Variants in ADAMTS16 observed in about 807,000 individuals in gnomAD.
The protein encoded by ADAMTS16 is A disintegrin and metalloproteinase with thrombospondin motifs 16.
ADAMTS16 carries 94 observed loss-of-function variants against 145.8 expected under a neutral mutation model. The ratio of observed to expected loss-of-function variants is 0.64; its 90% CI spans 0.55 to 0.77. The LOEUF (loss-of-function observed/expected upper bound fraction) is 0.77. ADAMTS16 is among the 30% of genes least tolerant of loss of function. The probability of loss-of-function intolerance (pLI) is 0.00; values close to 1 mark genes in which losing one functional copy is unlikely to be tolerated. For missense variants in ADAMTS16, 1,585 were observed against 1,591.5 expected, an observed-to-expected ratio of 1.00 and a Z score of 0.07; for synonymous variants, 659 against 604.3, an observed-to-expected ratio of 1.09 and a Z score of -1.33.
chr5:5,205,356 G>A (rs1406877987), intron 9 of ADAMTS16, among the ~76,000 whole-genome samples: 1 of 151,472 alleles, frequency 6.6e-6, no homozygotes, highest in African/African-American at 2.4e-5. Context: ...AGTTGCAAAG[G>A]TGTTCTTCCA....
chr5:5,309,602 G>A (rs1740334218), intron 21 of ADAMTS16, among the ~76,000 whole-genome samples: 1 of 152,138 alleles, frequency 6.6e-6, no homozygotes, highest in African/African-American at 2.4e-5. Context: ...GCACACACTG[G>A]TCTGGGGTTT....
chr5:5,174,028 C>A (rs2126546978), intron 3 of ADAMTS16, among the ~76,000 whole-genome samples: 1 of 152,182 alleles, frequency 6.6e-6, no homozygotes, highest in South Asian at 2.1e-4. Context: ...TTTGTATTTA[C>A]TATTTCTAGT....
At chr5:5,231,059 C>G (rs1736905865) in intron 11 of ADAMTS16, among the ~76,000 whole-genome samples, 1 of 152,202 alleles carries the variant, frequency 6.6e-6, no homozygotes, top group Non-Finnish European at 1.5e-5. Flanking sequence ...TCTCCTTCCT[C>G]TCTGACAACC....
chr5:5,210,910 C>T (rs35700190), intron 10 of ADAMTS16, among the ~76,000 whole-genome samples: 36,748 of 152,132 alleles, frequency 0.24, 5,729 homozygotes, highest in East Asian at 0.65. Flanking sequence ...CTTTGAATGT[C>T]AAGTCAATCT....
chr5:5,181,541 A>C (rs1294137659), intron 3 of ADAMTS16, among the ~76,000 whole-genome samples: 1 of 152,122 alleles, frequency 6.6e-6, no homozygotes, highest in African/African-American at 2.4e-5. Flanking sequence ...GCTTTCCTCT[A>C]GATTAATTTT....
chr5:5,286,883 A>T (rs866762166), intron 18 of ADAMTS16, among the ~76,000 whole-genome samples: 61,481 of 122,332 alleles, frequency 0.5, 24,855 homozygotes, highest in Non-Finnish European at 0.63. Context: ...AAAAAAAAAA[A>T]GAGTTTTTAT....
chr5:5,230,686 T>C (rs1286117894), intron 11 of ADAMTS16, among the ~76,000 whole-genome samples: 1 of 152,240 alleles, frequency 6.6e-6, no homozygotes, highest in Non-Finnish European at 1.5e-5. Flanking sequence ...TGAAAGCTAT[T>C]ACCATGTCAA....
chr5:5,201,271 C>T (rs1735946643), intron 9 of ADAMTS16, among the ~76,000 whole-genome samples: 1 of 152,110 alleles, frequency 6.6e-6, no homozygotes. Flanking sequence ...GAGAAATGTC[C>T]TCTACCCATG....
chr5:5,155,464 C>T (rs1015087004), intron 3 of ADAMTS16, among the ~76,000 whole-genome samples: 2 of 152,124 alleles, frequency 1.3e-5, no homozygotes, highest in African/African-American at 4.8e-5. Flanking sequence ...CATTTGAGTA[C>T]TGAAAAATTA....
At chr5:5,255,080 A>T (rs1464026139) in intron 17 of ADAMTS16, among the ~76,000 whole-genome samples, 2 of 152,134 alleles carry the variant, frequency 1.3e-5, no homozygotes, top group Non-Finnish European at 2.9e-5. Context: ...TAGTTTTTCT[A>T]ATTAAGAAAA....
chr5:5,278,601 T>A (rs892937286), intron 18 of ADAMTS16, among the ~76,000 whole-genome samples: 3 of 152,222 alleles, frequency 2.0e-5, no homozygotes, highest in Non-Finnish European at 4.4e-5. Context: ...CCAAAAGATA[T>A]ATCAACTTCA....
At chr5:5,237,744 A>G (rs768166994) in intron 14 of ADAMTS16, among the ~76,000 whole-genome samples, 1 of 152,168 alleles carries the variant, frequency 6.6e-6, no homozygotes, top group Admixed American at 6.5e-5. Flanking sequence ...CCTCAGCAAC[A>G]TAGAGCAGCT....
At chr5:5,186,324 G>GTA in intron 5 of ADAMTS16, 73 bp downstream of exon 5, 1 of 1,350,508 alleles carries the variant, frequency 7.4e-7, no homozygotes, top group Non-Finnish European at 1.0e-6. Context: ...GTGTGTGTGT[G>GTA]TGTGTGTGTG....
rs1379049391 is a variant in ADAMTS16 at position 5,236,273 on chromosome 5, G to A, written c.2024-696G>A. Among the ~76,000 whole-genome samples, 5 of 149,556 alleles carry A rather than the reference G, an allele frequency of 3.3e-5. No individual in the cohort carries two copies. In the East Asian group the frequency reaches 7.8e-4, roughly 23 times the overall value. On this transcript the variant is annotated intron_variant, in intron 13 of 22. Transcript: ENST00000274181. The stretch of plus-strand genomic sequence containing the variant: ...GCCTATAAAAATTTCTAAGACAGAT[G>A]AAATTTTCATCATTAATTGTCCCTC...
At chr5:5,308,504 T>A (rs1447472056) in intron 21 of ADAMTS16, among the ~76,000 whole-genome samples, 3 of 152,016 alleles carry the variant, frequency 2.0e-5, no homozygotes, top group Non-Finnish European at 2.9e-5. Context: ...AACAAGCCCA[T>A]CCCAAGGAGG....
At chr5:5,178,781 G>A (rs546188721) in intron 3 of ADAMTS16, among the ~76,000 whole-genome samples, 34 of 152,226 alleles carry the variant, frequency 2.2e-4, no homozygotes, top group African/African-American at 8.2e-4. Flanking sequence ...TTGAGCCTGG[G>A]GGAAAGGAGA....
intron 3 of ADAMTS16, among the ~76,000 whole-genome samples, chr5:5,148,192 T>C (rs571629880): frequency 1.1e-3 from 166 of 152,354 alleles, no homozygotes; most frequent in African/African-American, 3.7e-3. Context: ...CAAATACTTG[T>C]AGTCCAGCTT....
chr5:5,296,018 A>G (rs1739514951), intron 18 of ADAMTS16, among the ~76,000 whole-genome samples: 1 of 152,250 alleles, frequency 6.6e-6, no homozygotes, highest in South Asian at 2.1e-4. Flanking sequence ...TGAGTTGTTT[A>G]GGAGGCTTGC....
intron 18 of ADAMTS16, among the ~76,000 whole-genome samples, chr5:5,282,104 G>A (rs1738940128): frequency 8.4e-6 from 1 of 119,050 alleles, no homozygotes; most frequent in Non-Finnish European, 1.8e-5. Context: ...TGGTTTGGGA[G>A]ATAAACTGTT....
Sources: allele counts gnomAD v4.1 joint callset (sites outside exome capture counted in the v4.1 genomes callset), GRCh38; gene constraint gnomAD v4.1.1; transcripts MANE v1.5; gene names NCBI Gene and HGNC (gene_info 2026-07-23, HGNC 2026-07-21).